PIP4P1: variants seen among roughly 807,000 people sequenced by gnomAD.
The protein encoded by PIP4P1 is phosphatidylinositol-4,5-bisphosphate 4-phosphatase 1.
PIP4P1 carries 14 observed loss-of-function variants against 32.3 expected under a neutral mutation model. The observed-to-expected ratio is 0.43, with a 90% CI of 0.29 to 0.68. The LOEUF (loss-of-function observed/expected upper bound fraction) is 0.68, where lower values mean the gene tolerates loss of function less well. Ranked by LOEUF, PIP4P1 falls within the 30% of genes least tolerant of loss-of-function variation. PIP4P1 has a pLI of 0.15. For missense variants in PIP4P1, 289 were observed against 364.5 expected, an observed-to-expected ratio of 0.79 and a Z score of 1.69; for synonymous variants, 132 against 137.9, an observed-to-expected ratio of 0.96 and a Z score of 0.30.
intron 1 of PIP4P1, 88 bp from the exon 2 acceptor site, chr14:20,460,933 C>A (rs1418392373): frequency 2.8e-6 from 4 of 1,423,900 alleles, no homozygotes; most frequent in Non-Finnish European, 2.8e-6. Flanking sequence ...GATCTTCAAC[C>A]CTCTGACCAA....
Position 20,461,307 on chromosome 14 carries a change from G to C in PIP4P1, c.19C>G (p.Arg7Gly). MAADGE[R>G]SPLLSEPIDG... ...ATGGGCTCAGACAGCAGCGGGGAAC[G>C]CTCTCCATCTGCCGCCATGGCCGCC... The change falls in exon 1 of 7, where the codon CGT (arginine) becomes GGT (glycine). Residue 7 changes from arginine to glycine, a missense_variant. This residue lies in a region of PIP4P1 where 108 missense variants were observed against 101.2 expected (regional missense o/e 1.07). Coordinates refer to ENST00000250489, the MANE Select transcript of PIP4P1 (RefSeq NM_144568.4). The C allele has an allele frequency of 7.8e-7, 1 of 1,290,134 alleles. No individual in the cohort carries two copies. The highest frequency in any genetic ancestry group is 9.8e-7 in the Non-Finnish European group (1 of 1,018,174). 79.9% of individuals were successfully genotyped at this position (1,290,134 alleles called of 1,614,324 possible).
rs1166315179 is a variant in PIP4P1 at position 20,459,192 on chromosome 14, G to T, written c.690+14C>A. 1.2e-6 allele frequency: 2 copies of T among 1,613,560 alleles called. No homozygotes were observed. The highest frequency in any genetic ancestry group is 2.2e-5 in the East Asian group (1 of 44,868). ...AGGCTGCAGAATGAAAGAGGTTGGG[G>T]CAAGGGTACTCACGGCAAGGCCAGT... On this transcript the variant is annotated intron_variant, in intron 6 of 6. Transcript: ENST00000250489.
Sources: allele counts gnomAD v4.1 joint callset, GRCh38; gene constraint gnomAD v4.1.1; regional missense constraint gnomAD v4.1.1; transcripts MANE v1.5; gene names NCBI Gene and HGNC (gene_info 2026-07-23, HGNC 2026-07-21).